The following ATP11B variants were observed in gnomAD, a reference collection of about 807,000 sequenced individuals.
The protein encoded by ATP11B is ATPase phospholipid transporting 11B (putative).
A neutral mutation model predicts 157.8 loss-of-function variants in ATP11B; 81 were observed. The ratio of observed to expected loss-of-function variants is 0.51; its 90% CI spans 0.43 to 0.62. The LOEUF is 0.62. ATP11B is among the 20% of genes least tolerant of loss of function. ATP11B has a pLI of 0.00. For missense variants in ATP11B, 1,165 were observed against 1,402.2 expected, an observed-to-expected ratio of 0.83 and a Z score of 2.70; for synonymous variants, 451 against 469.4, an observed-to-expected ratio of 0.96 and a Z score of 0.51.
chr3:182,836,983 CT>C, intron 6 of ATP11B, 87 bp from the exon 7 acceptor site: 1 of 887,370 alleles, frequency 1.1e-6, no homozygotes. Flanking sequence ...TATGCCATTA[CT>C]TTACCTATAA....
chr3:182,805,488 C>A (rs1336790455), intron 1 of ATP11B, among the ~76,000 whole-genome samples: 2 of 150,274 alleles, frequency 1.3e-5, no homozygotes, highest in Non-Finnish European at 3.0e-5. Flanking sequence ...GAGTTTCACT[C>A]TTGTTGCCCA....
intron 18 of ATP11B, among the ~76,000 whole-genome samples, 188 bp downstream of exon 18, chr3:182,872,725 A>G (rs1721757224): frequency 6.6e-6 from 1 of 152,208 alleles, no homozygotes; most frequent in Admixed American, 6.5e-5. Context: ...GATACCTGAA[A>G]TGGATGAAAG....
chr3:182,883,108 T>C (rs1722539408), intron 21 of ATP11B, among the ~76,000 whole-genome samples: 1 of 152,130 alleles, frequency 6.6e-6, no homozygotes, highest in Non-Finnish European at 1.5e-5. Context: ...CAAACAAAAT[T>C]TTAAAGTATG....
chr3:182,823,511 A>G (rs542273268), intron 2 of ATP11B, among the ~76,000 whole-genome samples: 1 of 152,202 alleles, frequency 6.6e-6, no homozygotes, highest in East Asian at 1.9e-4. Context: ...TGTTTTGGTT[A>G]CTGTAGCCTT....
chr3:182,873,549 T>C (rs1031655922), intron 18 of ATP11B, among the ~76,000 whole-genome samples: 1 of 152,234 alleles, frequency 6.6e-6, no homozygotes, highest in Admixed American at 6.5e-5. Context: ...ATCCTATGAA[T>C]AGCAACTTTG....
At position 182,896,768 on chromosome 3, in the gene ATP11B, A is replaced by G. The variant is rs780482627; in HGVS notation, c.3048+3A>G. 16 of 1,610,748 alleles carry G rather than the reference A, an allele frequency of 9.9e-6. No individual in the cohort carries two copies. The highest frequency in any genetic ancestry group is 8.5e-7 in the Non-Finnish European group (1 of 1,177,592). ...TGGTTATTACAGTCACAGTAAAGGT[A>G]TGGTACTGAAATTAGAAATGTGGAC... On this transcript the variant is annotated splice_donor_region_variant and intron_variant, in intron 26 of 29. Coordinates refer to ENST00000323116, the MANE Select transcript of ATP11B (RefSeq NM_014616.3).
Position 182,920,848 on chromosome 3 carries a change from C to T in ATP11B, c.*2744C>T, listed in dbSNP as rs1373639750. The T allele has an allele frequency of 6.6e-6, 1 of 152,260 alleles. No homozygotes were observed. Among genetic ancestry groups the T allele is most frequent in the Non-Finnish European group, 1.5e-5 (1 of 68,098 alleles). 9.4% of individuals were successfully genotyped at this position (152,260 alleles called of 1,614,324 possible). A position where few individuals can be genotyped will look rare whatever the true frequency, so the allele number is the denominator to read the frequency against. On this transcript the variant is annotated 3_prime_UTR_variant, in exon 30 of 30. Transcript: ENST00000323116. ...TTATGGTCTGAATTTTCTAACTGTC[C>T]TCTTTCTTGGGTCTAAAGCTCATAA...
intron 29 of ATP11B, chr3:182,917,044 G>C (rs1333977163): frequency 2.0e-6 from 2 of 985,300 alleles, no homozygotes; most frequent in Middle Eastern, 1.0e-3. Context: ...GGTAGATACT[G>C]TTCCAGCTTT....
At chr3:182,848,412 T>A (rs1251045657) in intron 9 of ATP11B, 64 bp from the exon 10 acceptor site, 3 of 961,224 alleles carry the variant, frequency 3.1e-6, no homozygotes, top group Non-Finnish European at 4.4e-6. Context: ...CTGGTAAATA[T>A]ATTTATTTCT....
Position 182,872,463 on chromosome 3 carries a change from A to G in ATP11B, c.1974A>G (p.Glu658=). Residue 658 remains glutamate (E), a synonymous_variant, in exon 18 of 30, where the codon GAA becomes GAG. Coordinates refer to ENST00000323116, the MANE Select transcript of ATP11B (RefSeq NM_014616.3). ...FEARTALQQR[E]EKLAAVFQFI... is the part of the protein sequence containing the mutation. ...CCAGGACTGCCTTGCAGCAGCGGGA[A>G]GAGAAATTGGCAGCTGTTTTCCAGT... 1.2e-6 allele frequency: 2 copies of G among 1,614,164 alleles called. No individual in the cohort carries two copies. Among genetic ancestry groups the G allele is most frequent in the Non-Finnish European group, 1.7e-6 (2 of 1,179,996 alleles).
intron 17 of ATP11B, among the ~76,000 whole-genome samples, chr3:182,870,396 T>C (rs1281290464): frequency 6.6e-6 from 1 of 152,212 alleles, no homozygotes; most frequent in Non-Finnish European, 1.5e-5. Flanking sequence ...TCATCTGCCT[T>C]CTTTAACAGT....
intron 1 of ATP11B, among the ~76,000 whole-genome samples, chr3:182,797,663 A>G (rs988927161): frequency 6.6e-6 from 1 of 152,106 alleles, no homozygotes; most frequent in African/African-American, 2.4e-5. Context: ...AGCCAAGATC[A>G]TGCCACTGGA....
At chr3:182,910,864 T>G (rs531078087) in intron 28 of ATP11B, among the ~76,000 whole-genome samples, 1 of 152,346 alleles carries the variant, frequency 6.6e-6, no homozygotes, top group African/African-American at 2.4e-5. Flanking sequence ...TGTTTTGTTT[T>G]AATTTCCAGT....
chr3:182,913,913 C>A lies in ATP11B; in HGVS notation c.3371C>A (p.Pro1124Gln), dbSNP rs138385809. Reference protein sequence around the residue: ...IKCLDSMCCFPEGEAACASVG... With the variant: ...IKCLDSMCCFQEGEAACASVG... The stretch of plus-strand genomic sequence containing the variant: ...TGCTTGGACTCCATGTGCTGTTTCC[C>A]GGAAGGAGAAGCAGCGTGTGCATCT... The change falls in exon 29 of 30, where the codon CCG becomes CAG. Residue 1124 changes from proline to glutamine, a missense_variant. Around this residue, in one of 4 missense-constraint regions of ATP11B, gnomAD observed 303 missense variants for 296.3 expected, o/e 1.02. Transcript: ENST00000323116. 8.4e-5 allele frequency: 136 copies of A among 1,614,094 alleles called. 1 individual carries two copies. The Middle Eastern group carries it at 3.8e-3, about 45-fold the overall frequency.
chr3:182,883,006 G>A (rs955452509), intron 21 of ATP11B, among the ~76,000 whole-genome samples: 1 of 152,152 alleles, frequency 6.6e-6, no homozygotes, highest in Non-Finnish European at 1.5e-5. Flanking sequence ...TATAAACACT[G>A]ATAAACCTGG....
At chr3:182,830,415 T>C (rs542360932) in intron 4 of ATP11B, among the ~76,000 whole-genome samples, 136 of 152,296 alleles carry the variant, frequency 8.9e-4, no homozygotes, top group African/African-American at 3.2e-3. Context: ...TGGGGAAATA[T>C]TTTCAATCAG....
At chr3:182,903,999 A>T (rs142463894) in intron 28 of ATP11B, among the ~76,000 whole-genome samples, 1 of 152,380 alleles carries the variant, frequency 6.6e-6, no homozygotes, top group Non-Finnish European at 1.5e-5. Flanking sequence ...CAGATTCTGT[A>T]ATACTCTAAT....
At chr3:182,874,649 C>T (rs1030232984) in intron 19 of ATP11B, among the ~76,000 whole-genome samples, 2 of 152,136 alleles carry the variant, frequency 1.3e-5, no homozygotes, top group African/African-American at 4.8e-5. Flanking sequence ...TCATTACATA[C>T]AGTTCTATCG....
At chr3:182,889,656 A>C in intron 25 of ATP11B, 108 bp downstream of exon 25, 5 of 1,002,570 alleles carry the variant, frequency 5.0e-6, no homozygotes, top group East Asian at 3.2e-5. Flanking sequence ...TCAAGTATTA[A>C]AATGCAAATA....
Sources: gnomAD v4.1 joint callset for allele counts (sites outside exome capture counted in the v4.1 genomes callset) on GRCh38, gnomAD v4.1.1 for gene constraint, gnomAD v4.1.1 regional missense constraint, MANE v1.5 for transcripts, NCBI Gene and HGNC (gene_info 2026-07-23, HGNC 2026-07-21) for gene names.